FAM13A: variants seen among roughly 807,000 people sequenced by gnomAD.
The protein encoded by FAM13A is family with sequence similarity 13 member A.
In FAM13A, 76 loss-of-function variants were observed where a neutral mutation model predicts 129.6. That is an observed-to-expected ratio of 0.59 (90% CI 0.49 to 0.71). The LOEUF is 0.71. Ranked by LOEUF, FAM13A falls within the 30% of genes least tolerant of loss-of-function variation. The pLI is 0.00. For missense variants in FAM13A, 1,108 were observed against 1,249.3 expected (o/e 0.89, Z 1.70); for synonymous variants, 443 against 449.9 (o/e 0.98, Z 0.20).
At chr4:88,790,731 C>A in intron 8 of FAM13A, 104 bp from the exon 9 acceptor site, 1 of 887,330 alleles carries the variant, frequency 1.1e-6, no homozygotes, top group Non-Finnish European at 1.8e-6. Context: ...AGCTCAGTCC[C>A]AAGTGATCCC....
intron 14 of FAM13A, among the ~76,000 whole-genome samples, chr4:88,756,513 G>A (rs981475707): frequency 6.6e-6 from 1 of 152,124 alleles, no homozygotes; most frequent in African/African-American, 2.4e-5. Context: ...GGGATGGGAA[G>A]GAGCAACCAA....
Position 89,029,516 on chromosome 4 carries a change from G to A in FAM13A, c.161C>T (p.Thr54Ile), listed in dbSNP as rs1432140840. The change falls in exon 2 of 24, where the codon ACC becomes ATC. Residue 54 changes from threonine to isoleucine, a missense_variant. Coordinates refer to ENST00000264344, the MANE Select transcript of FAM13A (RefSeq NM_014883.4). ...SLQELERQGL[T>I]ENGIPAVVWN... ...CACTACTGCTGGAATGCCATTCTCG[G>A]TGAGCCCCTGCCGTTCAAGTTCTTG... The A allele has an allele frequency of 6.3e-7, 1 of 1,593,196 alleles. No individual in the cohort carries two copies. Among genetic ancestry groups the A allele is most frequent in the Non-Finnish European group, 8.5e-7 (1 of 1,174,308 alleles).
Position 88,990,965 on chromosome 4 carries a change from T to A in FAM13A, c.605+8A>T, listed in dbSNP as rs769728976. The A allele has an allele frequency of 1.9e-5, 31 of 1,609,778 alleles. No homozygotes were observed. The South Asian group carries it at 3.2e-4, about 17-fold the overall frequency. ...GATGATATTAACAGTAAAACTCCACTAACTTACTGAAAGCAATTTGGCCCA... is the reference window on the plus strand; with the variant it reads ...GATGATATTAACAGTAAAACTCCACAAACTTACTGAAAGCAATTTGGCCCA... On this transcript the variant is annotated splice_region_variant and intron_variant, in intron 4 of 23. Coordinates refer to ENST00000264344, the MANE Select transcript of FAM13A (RefSeq NM_014883.4).
At chr4:88,987,965 C>T (rs995942431) in intron 4 of FAM13A, among the ~76,000 whole-genome samples, 1 of 151,392 alleles carries the variant, frequency 6.6e-6, no homozygotes, top group African/African-American at 2.4e-5. Context: ...ATCCACACTG[C>T]ACAATATTCC....
At chr4:88,757,051 A>T (rs58384547) in intron 14 of FAM13A, among the ~76,000 whole-genome samples, 2,757 of 150,268 alleles carry the variant, frequency 0.018, 78 homozygotes, top group African/African-American at 0.061. Context: ...ATAACTTTTT[A>T]AAAAAAAAAT....
intron 7 of FAM13A, among the ~76,000 whole-genome samples, chr4:88,826,890 G>A (rs1033005888): frequency 2.0e-5 from 3 of 152,106 alleles, no homozygotes; most frequent in African/African-American, 4.8e-5. Context: ...CTCGCTACTT[G>A]CTTCTCCTCC....
chr4:88,905,104 AT>A (rs1293107869), intron 6 of FAM13A, among the ~76,000 whole-genome samples: 1 of 152,068 alleles, frequency 6.6e-6, no homozygotes, highest in Non-Finnish European at 1.5e-5. Context: ...GCACTTGACT[AT>A]TTCCTATGTC....
intron 5 of FAM13A, among the ~76,000 whole-genome samples, chr4:88,928,448 C>G (rs1752548774): frequency 6.6e-6 from 1 of 152,116 alleles, no homozygotes. Context: ...GTATTGCTGT[C>G]TATTTCTTTA....
chr4:88,957,054 A>C (rs1757862093), intron 4 of FAM13A, among the ~76,000 whole-genome samples: 3 of 152,134 alleles, frequency 2.0e-5, no homozygotes, highest in African/African-American at 4.8e-5. Context: ...GGTCGGGTGC[A>C]GTGGCTCACG....
chr4:88,945,323 G>A (rs930999449), intron 4 of FAM13A, among the ~76,000 whole-genome samples: 4 of 152,090 alleles, frequency 2.6e-5, no homozygotes, highest in Admixed American at 6.6e-5. Context: ...AACTACATGC[G>A]GAGTTGAATA....
intron 6 of FAM13A, among the ~76,000 whole-genome samples, chr4:88,867,369 G>C (rs1373316779): frequency 1.3e-5 from 2 of 152,084 alleles, no homozygotes; most frequent in African/African-American, 4.8e-5. Flanking sequence ...ATTTTAAAGA[G>C]GGAAATTATG....
At chr4:88,819,516 A>C (rs764784862) in intron 7 of FAM13A, among the ~76,000 whole-genome samples, 1 of 152,162 alleles carries the variant, frequency 6.6e-6, no homozygotes, top group African/African-American at 2.4e-5. Flanking sequence ...CCTTACCTAC[A>C]TCCCCACAAT....
At chr4:89,046,911 T>G (rs957841573) in intron 1 of FAM13A, among the ~76,000 whole-genome samples, 1 of 151,912 alleles carries the variant, frequency 6.6e-6, no homozygotes, top group South Asian at 2.1e-4. Flanking sequence ...TAAAAATAAA[T>G]TTTTTTAAGT....
intron 4 of FAM13A, among the ~76,000 whole-genome samples, chr4:88,985,859 A>AC (rs1301889959): frequency 6.6e-6 from 1 of 151,870 alleles, no homozygotes; most frequent in Non-Finnish European, 1.5e-5. Context: ...AAAAAAAAAA[A>AC]AACTGTTGGA....
rs748704515 is a variant in FAM13A, at chr4:88,747,666, T to C, written c.2347A>G (p.Lys783Glu). Reference sequence around the variant, plus strand: ...TCAGGGCGGCTGCTTTCCGCTCGCTTCTCCTGGAGCTTCCTCTGAATAGAT... The same window carrying C: ...TCAGGGCGGCTGCTTTCCGCTCGCTCCTCCTGGAGCTTCCTCTGAATAGAT... Reference protein sequence around the residue: ...LESIQRKLQEKRAESSRPEDI... With the variant: ...LESIQRKLQEERAESSRPEDI... Residue 783 changes from lysine (K) to glutamate (E), a missense_variant, in exon 18 of 24, where the codon AAG (lysine) becomes GAG (glutamate). Lys to Glu is a moderately conservative substitution (Grantham distance 56). Around this residue, in one of 3 missense-constraint regions of FAM13A, gnomAD observed 529 missense variants for 621.2 expected, o/e 0.85. Coordinates refer to ENST00000264344, the MANE Select transcript of FAM13A (RefSeq NM_014883.4). 1 of 1,614,152 alleles carries C rather than the reference T, an allele frequency of 6.2e-7. No individual in the cohort carries two copies. Among genetic ancestry groups the C allele is most frequent in the South Asian group, 1.1e-5 (1 of 91,080 alleles).
intron 3 of FAM13A, among the ~76,000 whole-genome samples, chr4:89,015,359 T>C (rs1486096474): frequency 2.0e-5 from 3 of 152,186 alleles, no homozygotes; most frequent in African/African-American, 4.8e-5. Context: ...TGAAAATCAC[T>C]AATAAAAATT....
intron 4 of FAM13A, among the ~76,000 whole-genome samples, chr4:88,980,743 A>C (rs1761557997): frequency 1.3e-5 from 2 of 152,242 alleles, no homozygotes; most frequent in African/African-American, 4.8e-5. Flanking sequence ...TTCTAAAAGT[A>C]ACTTTTGGGT....
chr4:89,014,545 G>C (rs1766203029), intron 3 of FAM13A, among the ~76,000 whole-genome samples: 1 of 152,188 alleles, frequency 6.6e-6, no homozygotes, highest in Non-Finnish European at 1.5e-5. Context: ...GGGACCAGCT[G>C]AAGCCATGGC....
At chr4:88,953,090 C>G (rs551758845) in intron 4 of FAM13A, among the ~76,000 whole-genome samples, 1 of 152,138 alleles carries the variant, frequency 6.6e-6, no homozygotes, top group African/African-American at 2.4e-5. Flanking sequence ...CAATTCAATG[C>G]TTTTAGTATA....
Sources: gnomAD v4.1 joint callset for allele counts (sites outside exome capture counted in the v4.1 genomes callset) on GRCh38, gnomAD v4.1.1 for gene constraint, gnomAD v4.1.1 regional missense constraint, MANE v1.5 for transcripts, NCBI Gene and HGNC (gene_info 2026-07-23, HGNC 2026-07-21) for gene names.